Variants in PDE11A observed in about 807,000 individuals in gnomAD.
PDE11A encodes phosphodiesterase 11A.
In PDE11A, 100 loss-of-function variants were observed where a neutral mutation model predicts 100.5. That is an observed-to-expected ratio of 1.00 (90% CI 0.85 to 1.18). The LOEUF is 1.18. Ranked by LOEUF, PDE11A falls within the 50% of genes most tolerant of loss-of-function variation. The pLI is 0.00. For synonymous variants in PDE11A, 381 were observed against 420.8 expected, an observed-to-expected ratio of 0.91 and a Z score of 1.16; for missense variants, 1,141 against 1,152.6, an observed-to-expected ratio of 0.99 and a Z score of 0.15.
intron 12 of PDE11A, among the ~76,000 whole-genome samples, chr2:177,714,481 G>C (rs1406073217): frequency 6.6e-6 from 1 of 152,160 alleles, no homozygotes; most frequent in East Asian, 1.9e-4. Context: ...AGAAAACTGA[G>C]TCACAGAGAG....
At position 178,072,240 on chromosome 2, in the gene PDE11A, G is replaced by C; in HGVS notation, c.198C>G (p.Cys66Trp). The change falls in exon 1 of 20, where the codon TGC becomes TGG. Residue 66 changes from cysteine to tryptophan, a missense_variant. Coordinates refer to ENST00000286063, the MANE Select transcript of PDE11A (RefSeq NM_016953.4). The part of the protein sequence containing the change: ...AGTSSLAHST[C>W]RGGSSVGGGT... ...CACCACCAACGCTGCTGCCACCTCT[G>C]CAGGTGCTGTGAGCCAAGCTGCTGG... 6.2e-7 allele frequency: 1 copy of C among 1,613,612 alleles called. No individual in the cohort carries two copies. Among genetic ancestry groups the C allele is most frequent in the Non-Finnish European group, 8.5e-7 (1 of 1,179,702 alleles).
intron 2 of PDE11A, among the ~76,000 whole-genome samples, chr2:177,986,746 G>T (rs1183534225): frequency 1.3e-5 from 2 of 151,370 alleles, no homozygotes; most frequent in Non-Finnish European, 2.9e-5. Flanking sequence ...CAGGAGAATC[G>T]CTTGAACACG....
At chr2:178,105,184 G>C (rs1430363083) in intron 1 of PDE11A, among the ~76,000 whole-genome samples, 1 of 152,156 alleles carries the variant, frequency 6.6e-6, no homozygotes, top group Non-Finnish European at 1.5e-5. Context: ...CTACTGGGTT[G>C]GGTGCGGTGG....
chr2:177,819,584 G>A (rs2083100528), intron 7 of PDE11A, among the ~76,000 whole-genome samples: 1 of 151,988 alleles, frequency 6.6e-6, no homozygotes, highest in South Asian at 2.1e-4. Flanking sequence ...GAGAATGGAG[G>A]AAGAGAAAAA....
intron 10 of PDE11A, among the ~76,000 whole-genome samples, chr2:177,751,738 A>G (rs566770257): frequency 6.6e-6 from 1 of 152,380 alleles, no homozygotes; most frequent in African/African-American, 2.4e-5. Flanking sequence ...AGATGACTTT[A>G]TAGACTCATT....
At chr2:177,850,333 T>C (rs1242769618) in intron 5 of PDE11A, among the ~76,000 whole-genome samples, 2 of 152,184 alleles carry the variant, frequency 1.3e-5, no homozygotes, top group African/African-American at 4.8e-5. Flanking sequence ...GCTAGACATA[T>C]GTAGAAAGCT....
rs57136586 is a variant in PDE11A, at chr2:178,001,275, A to AGTGTGTGTGTGTGTGTGTGT, written c.1071+13007_1071+13026dup. ...CATTCCTTAGCAAAGACAATGTGAA[A>AGTGTGTGTGTGTGTGTGTGT]GTGTGTGTGTGTGTGTGTGTGTGTG... On this transcript the variant is annotated intron_variant, in intron 2 of 19. Coordinates refer to ENST00000286063, the MANE Select transcript of PDE11A (RefSeq NM_016953.4). Among the ~76,000 whole-genome samples the AGTGTGTGTGTGTGTGTGTGT allele has an allele frequency of 6.2e-3, 869 of 140,732 alleles. 7 individuals carry two copies. Among genetic ancestry groups the AGTGTGTGTGTGTGTGTGTGT allele is most frequent in the African/African-American group, 0.02 (769 of 38,232 alleles). The allele number at this position is 140,732 out of a possible 152,430, so 92.3% of individuals were successfully genotyped here.
rs544435375 is a variant in PDE11A at position 177,855,846 on chromosome 2, T to C, written c.1368-15463A>G. Among the ~76,000 whole-genome samples, 12 of 151,414 alleles carry C rather than the reference T, an allele frequency of 7.9e-5. No homozygotes were observed. The South Asian group carries it at 1.7e-3, about 21-fold the overall frequency. ...TAATGAGATAAGCTTGGGAATGAGA[T>C]GCTCCCAGAAGGCTTTGAAAAGCTT... On this transcript the variant is annotated intron_variant, in intron 5 of 19. Coordinates refer to ENST00000286063, the MANE Select transcript of PDE11A (RefSeq NM_016953.4).
chr2:177,944,742 G>A lies in PDE11A; in HGVS notation c.1072-39555C>T, dbSNP rs565648235. The stretch of plus-strand genomic sequence containing the variant: ...GCCGAGGTGCGGGCTGTGAGAGAGG[G>A]AGCGTGGAGCCTCCGAGGCCGAGGA... On this transcript the variant is annotated intron_variant, in intron 2 of 19. Transcript: ENST00000286063. Among the ~76,000 whole-genome samples, 8 of 152,020 alleles carry A rather than the reference G, an allele frequency of 5.3e-5. No homozygotes were observed. In the South Asian group the frequency reaches 1.7e-3, roughly 32 times the overall value.
chr2:177,950,526 T>A (rs1228428198), intron 2 of PDE11A, among the ~76,000 whole-genome samples: 1 of 152,138 alleles, frequency 6.6e-6, no homozygotes, highest in Admixed American at 6.5e-5. Flanking sequence ...TCAGTATTAA[T>A]AGTCTAGCCT....
intron 5 of PDE11A, among the ~76,000 whole-genome samples, chr2:177,869,107 T>C (rs2084080165): frequency 6.6e-6 from 1 of 152,222 alleles, no homozygotes; most frequent in Non-Finnish European, 1.5e-5. Flanking sequence ...TCAATCTCAT[T>C]TTCATCTGAG....
intron 5 of PDE11A, among the ~76,000 whole-genome samples, chr2:177,853,726 GTGTGTA>G (rs1339098561): frequency 2.2e-4 from 21 of 94,912 alleles, no homozygotes; most frequent in Non-Finnish European, 3.4e-4. Flanking sequence ...GTGTGTGTGT[GTGTGTA>G]TATCTATATG....
At position 177,947,177 on chromosome 2, in the gene PDE11A, G is replaced by A. The variant is rs1224982070; in HGVS notation, c.1072-41990C>T. Among the ~76,000 whole-genome samples the A allele has an allele frequency of 2.0e-4, 4 of 19,940 alleles. 2 individuals are homozygous for A. Among genetic ancestry groups the A allele is most frequent in the African/African-American group, 4.1e-4 (4 of 9,690 alleles). The allele number at this position is 19,940 out of a possible 152,430, so 13.1% of individuals were successfully genotyped here. ...CAGCCCCCTGCCCGGCCGGCGCCCC[G>A]TCCGGGAGGTGAGGGGCGCCTCTGC... On this transcript the variant is annotated intron_variant, in intron 2 of 19. Coordinates refer to ENST00000286063, the MANE Select transcript of PDE11A (RefSeq NM_016953.4).
At chr2:177,839,019 A>G (rs1238769342) in intron 6 of PDE11A, among the ~76,000 whole-genome samples, 1 of 152,218 alleles carries the variant, frequency 6.6e-6, no homozygotes, top group Non-Finnish European at 1.5e-5. Context: ...TCAAGAAGGA[A>G]TAGAAAATAC....
chr2:178,075,601 A>G (rs1265426569), upstream of PDE11A, among the ~76,000 whole-genome samples: 1 of 151,340 alleles, frequency 6.6e-6, no homozygotes, highest in Non-Finnish European at 1.5e-5. Flanking sequence ...AGCTAACCTC[A>G]AAGGAGGGAT....
intron 3 of PDE11A, among the ~76,000 whole-genome samples, chr2:177,899,760 C>G (rs1026396264): frequency 6.8e-6 from 1 of 146,412 alleles, no homozygotes; most frequent in Admixed American, 6.8e-5. Flanking sequence ...ATATATATAC[C>G]CTCCATATAC....
intron 2 of PDE11A, among the ~76,000 whole-genome samples, chr2:177,911,713 G>A (rs1031310693): frequency 5.9e-5 from 9 of 152,024 alleles, no homozygotes; most frequent in African/African-American, 1.2e-4. Context: ...GTGAAACCCC[G>A]TCTCTACCAA....
rs58818826 is a variant in PDE11A at position 177,933,068 on chromosome 2, C to CCACACACACA, written c.1072-27891_1072-27882dup. Among the ~76,000 whole-genome samples the CCACACACACA allele has an allele frequency of 3.5e-3, 515 of 146,994 alleles. 2 individuals carry two copies. The highest frequency in any genetic ancestry group is 8.6e-3 in the African/African-American group (348 of 40,286). On this transcript the variant is annotated intron_variant, in intron 2 of 19. Coordinates refer to ENST00000286063, the MANE Select transcript of PDE11A (RefSeq NM_016953.4). ...AAGAACATAATCCCATTTACAATAG[C>CCACACACACA]CACACACACACACACACACACAAAT...
intron 12 of PDE11A, chr2:177,723,268 T>A (rs918843169): frequency 2.0e-5 from 3 of 152,122 alleles, no homozygotes; most frequent in African/African-American, 7.2e-5. Context: ...ATCAATAAAA[T>A]GGTTTGGCTT....
Sources: allele counts gnomAD v4.1 joint callset (sites outside exome capture counted in the v4.1 genomes callset), GRCh38; gene constraint gnomAD v4.1.1; transcripts MANE v1.5; gene names NCBI Gene and HGNC (gene_info 2026-07-23, HGNC 2026-07-21).